PPARGC1A: variants seen among roughly 807,000 people sequenced by gnomAD.
PPARGC1A encodes the protein PPARG coactivator 1 alpha.
In PPARGC1A, 25 loss-of-function variants were observed where a neutral mutation model predicts 88.7. That is an observed-to-expected ratio of 0.28 (90% CI 0.21 to 0.39). PPARGC1A has a LOEUF of 0.39. Among genes scored for constraint, PPARGC1A ranks in the 10% least tolerant of loss-of-function variants. PPARGC1A has a pLI of 1.00. For synonymous variants in PPARGC1A, 363 were observed against 355.6 expected, an observed-to-expected ratio of 1.02 and a Z score of -0.24; for missense variants, 880 against 968.7, an observed-to-expected ratio of 0.91 and a Z score of 1.22.
At chr4:24,395,604 G>T in the PPARGC1A span, among the ~76,000 whole-genome samples, 1 of 152,224 alleles carries the variant, frequency 6.6e-6, no homozygotes, top group Non-Finnish European at 1.5e-5. Flanking sequence ...CCATGCTACT[G>T]TGGAAATAGG....
chr4:23,890,398 C>A (rs70937061), upstream of PPARGC1A, among the ~76,000 whole-genome samples: 1 of 151,832 alleles, frequency 6.6e-6, no homozygotes, highest in Non-Finnish European at 1.5e-5. Context: ...ATTTTCCTTC[C>A]AAAACAAGCA....
Position 23,814,111 on chromosome 4 carries a change from T to C in PPARGC1A, c.1372A>G (p.Ile458Val). The C allele has an allele frequency of 1.2e-6, 2 of 1,614,038 alleles. No homozygotes were observed. The highest frequency in any genetic ancestry group is 1.7e-6 in the Non-Finnish European group (2 of 1,179,976). The change falls in exon 8 of 13, where the codon ATC (isoleucine) becomes GTC (valine). Residue 458 changes from isoleucine (I) to valine (V), a missense_variant. Ile to Val is a conservative substitution (Grantham distance 29). Transcript: ENST00000264867. ...AAGTGCTTGTTCAGCTCGGCTCGGA[T>C]TTCCTGGTCTTGGAGCTGTTTTCTT... Reference protein sequence around the residue: ...STRKQLQDQEIRAELNKHFGH... With the variant: ...STRKQLQDQEVRAELNKHFGH...
chr4:24,433,814 A>G, the PPARGC1A span, among the ~76,000 whole-genome samples: 1 of 152,038 alleles, frequency 6.6e-6, no homozygotes, highest in Non-Finnish European at 1.5e-5. Flanking sequence ...GGACAGCCCG[A>G]TTTTTATTGC....
At chr4:24,009,080 T>C in the PPARGC1A span, among the ~76,000 whole-genome samples, 1 of 134,626 alleles carries the variant, frequency 7.4e-6, no homozygotes, top group Non-Finnish European at 1.5e-5. Flanking sequence ...TTAATTATTA[T>C]GGTGGCACAA....
At chr4:24,452,824 C>A in the PPARGC1A span, among the ~76,000 whole-genome samples, 1 of 152,162 alleles carries the variant, frequency 6.6e-6, no homozygotes, top group Non-Finnish European at 1.5e-5. Flanking sequence ...CAACAAAGGG[C>A]CTGGGATTTC....
chr4:24,003,803 G>A, the PPARGC1A span, among the ~76,000 whole-genome samples: 7 of 144,196 alleles, frequency 4.9e-5, no homozygotes, highest in East Asian at 1.2e-3. Flanking sequence ...ATGAAAAGAG[G>A]TGATAGGATC....
At chr4:24,049,265 T>C in the PPARGC1A span, among the ~76,000 whole-genome samples, 3 of 141,852 alleles carry the variant, frequency 2.1e-5, no homozygotes, top group Admixed American at 7.1e-5. Context: ...TGTATATAAA[T>C]ACATATATAT....
At chr4:23,847,935 A>G (rs1350753425) in intron 2 of PPARGC1A, among the ~76,000 whole-genome samples, 4 of 152,200 alleles carry the variant, frequency 2.6e-5, no homozygotes, top group Non-Finnish European at 5.9e-5. Flanking sequence ...TGTGTATGCC[A>G]TACATGAGAA....
chr4:23,813,101 G>A lies in PPARGC1A; in HGVS notation c.1818C>T (p.Ser606=). The stretch of plus-strand genomic sequence containing the variant: ...TTCGGTGCGTGCGGTGTCTGTAGTG[G>A]CTTGACTCATAGTAATAGCAGGATC... The part of the protein sequence containing the change: ...SSRSCYYYES[S]HYRHRTHRNS... Residue 606 remains serine, a synonymous_variant, in exon 9 of 13, where the codon AGC becomes AGT. Transcript: ENST00000264867. 6.2e-7 allele frequency: 1 copy of A among 1,614,030 alleles called. No individual in the cohort carries two copies. Among genetic ancestry groups the A allele is most frequent in the Admixed American group, 1.7e-5 (1 of 60,010 alleles).
At chr4:24,384,545 A>G in the PPARGC1A span, among the ~76,000 whole-genome samples, 1 of 148,748 alleles carries the variant, frequency 6.7e-6, no homozygotes, top group Non-Finnish European at 1.5e-5. Flanking sequence ...ATATTTACCA[A>G]GCAAATGGAA....
chr4:24,080,729 G>A, the PPARGC1A span, among the ~76,000 whole-genome samples: 1 of 152,020 alleles, frequency 6.6e-6, no homozygotes, highest in Non-Finnish European at 1.5e-5. Context: ...AGTTACTATT[G>A]TAATCCCATT....
the PPARGC1A span, among the ~76,000 whole-genome samples, chr4:24,230,293 G>T: frequency 1.3e-5 from 2 of 152,170 alleles, no homozygotes; most frequent in Non-Finnish European, 2.9e-5. Flanking sequence ...CCTGTGAAAT[G>T]AACACAAAAC....
At chr4:24,245,652 AG>A in the PPARGC1A span, among the ~76,000 whole-genome samples, 2 of 152,214 alleles carry the variant, frequency 1.3e-5, no homozygotes, top group African/African-American at 4.8e-5. Context: ...ACAACCTGCC[AG>A]CTTGCATAGA....
At chr4:24,428,629 A>G in the PPARGC1A span, among the ~76,000 whole-genome samples, 3 of 152,236 alleles carry the variant, frequency 2.0e-5, no homozygotes, top group Non-Finnish European at 2.9e-5. Flanking sequence ...GTTCTCTCCA[A>G]GTAAAGGACA....
the PPARGC1A span, among the ~76,000 whole-genome samples, chr4:24,156,664 T>C: frequency 6.6e-6 from 1 of 152,132 alleles, no homozygotes; most frequent in Non-Finnish European, 1.5e-5. Context: ...GATTTCACAA[T>C]TGCTCCTCTT....
the PPARGC1A span, among the ~76,000 whole-genome samples, chr4:24,172,822 C>T: frequency 6.6e-6 from 1 of 152,234 alleles, no homozygotes; most frequent in Admixed American, 6.5e-5. Flanking sequence ...ATCCTGAATA[C>T]ACCGCCGTGT....
At chr4:24,426,261 G>A in the PPARGC1A span, among the ~76,000 whole-genome samples, 4 of 152,160 alleles carry the variant, frequency 2.6e-5, no homozygotes, top group African/African-American at 9.7e-5. Flanking sequence ...TTCAGAAAGT[G>A]TCAGAAAATA....
the PPARGC1A span, among the ~76,000 whole-genome samples, chr4:23,961,625 ATGGTGCC>A: frequency 2.6e-5 from 4 of 152,160 alleles, no homozygotes; most frequent in Admixed American, 6.5e-5. Context: ...TTGTAACCAC[ATGGTGCC>A]AGAACTGGCC....
chr4:23,945,440 C>A, the PPARGC1A span, among the ~76,000 whole-genome samples: 143 of 152,118 alleles, frequency 9.4e-4, no homozygotes, highest in African/African-American at 3.1e-3. Flanking sequence ...GGGAAAAAAA[C>A]CAGTGCTGAG....
Sources: allele counts gnomAD v4.1 joint callset (sites outside exome capture counted in the v4.1 genomes callset), GRCh38; gene constraint gnomAD v4.1.1; transcripts MANE v1.5; gene names NCBI Gene and HGNC (gene_info 2026-07-23, HGNC 2026-07-21).